DIAPH3: variants seen among roughly 807,000 people sequenced by gnomAD.
The protein encoded by DIAPH3 is protein diaphanous homolog 3.
In DIAPH3, 117 loss-of-function variants were observed where a neutral mutation model predicts 144.3. That is an observed-to-expected ratio of 0.81 (90% CI 0.70 to 0.95). The LOEUF (loss-of-function observed/expected upper bound fraction) is 0.95. Among genes scored for constraint, DIAPH3 ranks in the 40% least tolerant of loss-of-function variants. The pLI is 0.00. For missense variants in DIAPH3, 1,421 were observed against 1,412.7 expected (o/e 1.01, Z -0.09); for synonymous variants, 519 against 488.9 (o/e 1.06, Z -0.81).
chr13:59,687,600 A>C (rs2033282284), intron 27 of DIAPH3, among the ~76,000 whole-genome samples: 1 of 152,080 alleles, frequency 6.6e-6, no homozygotes, highest in African/African-American at 2.4e-5. Context: ...ACAAAATCTG[A>C]CATCTCCTCT....
intron 27 of DIAPH3, among the ~76,000 whole-genome samples, chr13:59,667,213 C>T (rs1168139326): frequency 6.6e-5 from 10 of 152,176 alleles, no homozygotes; most frequent in Non-Finnish European, 1.5e-5. Context: ...AGCATTTGCC[C>T]TTTGCACTGC....
intron 25 of DIAPH3, among the ~76,000 whole-genome samples, chr13:59,784,555 T>G (rs1255075500): frequency 6.6e-6 from 1 of 151,932 alleles, no homozygotes; most frequent in African/African-American, 2.4e-5. Context: ...TTTTGTATTT[T>G]TAGTAGAGAT....
At chr13:59,716,448 T>C (rs1487799542) in intron 27 of DIAPH3, among the ~76,000 whole-genome samples, 1 of 152,176 alleles carries the variant, frequency 6.6e-6, no homozygotes, top group Non-Finnish European at 1.5e-5. Context: ...GTGCTGGGAT[T>C]ACAGGCATGA....
At chr13:59,826,875 C>T (rs905560826) in intron 24 of DIAPH3, among the ~76,000 whole-genome samples, 1 of 151,858 alleles carries the variant, frequency 6.6e-6, no homozygotes, top group African/African-American at 2.4e-5. Context: ...AGAAATAACG[C>T]CGCATATCTA....
Position 60,074,446 on chromosome 13 carries a change from C to A in DIAPH3, c.495+19182G>T, listed in dbSNP as rs1228540745. ...ATTGACGTGATCCGAGGGATGGCTG[C>A]CCTTCCTATTCCTCTAGCTCTTTAT... On this transcript the variant is annotated intron_variant, in intron 4 of 27. Coordinates refer to ENST00000400324, the MANE Select transcript of DIAPH3 (RefSeq NM_001042517.2). 2.6e-5 allele frequency among the ~76,000 whole-genome samples: 4 copies of A among 152,152 alleles called. No homozygotes were observed. In the East Asian group the frequency reaches 7.7e-4, roughly 29 times the overall value.
At chr13:59,776,949 C>CAAAA (rs370913061) in intron 25 of DIAPH3, among the ~76,000 whole-genome samples, 1 of 146,812 alleles carries the variant, frequency 6.8e-6, no homozygotes, top group Non-Finnish European at 1.5e-5. Context: ...AACAAACAAA[C>CAAAA]AAAAAAACCC....
intron 5 of DIAPH3, among the ~76,000 whole-genome samples, chr13:60,041,124 CCTGGACAAATATATTTTTAA>C (rs1291938706): frequency 3.0e-5 from 1 of 33,168 alleles, no homozygotes; most frequent in Admixed American, 3.9e-4. Flanking sequence ...TTTAAATGAA[CCTGGACAAATATATTTTTAA>C]ATGAACATAT....
At chr13:59,959,527 C>A (rs1214358500) in intron 17 of DIAPH3, among the ~76,000 whole-genome samples, 1 of 152,066 alleles carries the variant, frequency 6.6e-6, no homozygotes, top group East Asian at 1.9e-4. Flanking sequence ...TTAAAAGAAC[C>A]TTTTGTAACT....
chr13:60,095,614 GTTTT>G (rs78368630), intron 3 of DIAPH3, among the ~76,000 whole-genome samples: 1 of 143,604 alleles, frequency 7.0e-6, no homozygotes, highest in Non-Finnish European at 1.5e-5. Context: ...TGTTTTTTGT[GTTTT>G]TTTTTTTTAA....
chr13:60,046,662 C>T (rs1439728121), intron 4 of DIAPH3, among the ~76,000 whole-genome samples: 16 of 152,138 alleles, frequency 1.1e-4, no homozygotes, highest in Non-Finnish European at 2.1e-4. Flanking sequence ...GCTATAAAGA[C>T]ACATGCACAC....
chr13:60,157,165 G>A (rs1284412426), intron 1 of DIAPH3, among the ~76,000 whole-genome samples: 1 of 151,620 alleles, frequency 6.6e-6, no homozygotes, highest in Non-Finnish European at 1.5e-5. Flanking sequence ...GGCTGTCATC[G>A]AACTCCTGGC....
At position 59,879,424 on chromosome 13, in the gene DIAPH3, G is replaced by T. The variant is rs1308154521; in HGVS notation, c.2412C>A (p.Leu804=). The T allele has an allele frequency of 6.2e-7, 1 of 1,613,686 alleles. No homozygotes were observed. Among genetic ancestry groups the T allele is most frequent in the Admixed American group, 1.7e-5 (1 of 59,940 alleles). The change falls in exon 21 of 28, where the codon CTC becomes CTA. Residue 804 remains leucine (L), a synonymous_variant. Coordinates refer to ENST00000400324, the MANE Select transcript of DIAPH3 (RefSeq NM_001042517.2). ...CCTGCTCTTCAAACTGAAGCTTAAAGAGAATAGCACTGAGCCGTGGCCGTA... is the reference window on the plus strand; with the variant it reads ...CCTGCTCTTCAAACTGAAGCTTAAATAGAATAGCACTGAGCCGTGGCCGTA... The part of the protein sequence containing the change: ...KRLRPRLSAI[L]FKLQFEEQVN...
chr13:60,106,136 T>G (rs1291159304), intron 3 of DIAPH3, among the ~76,000 whole-genome samples: 3 of 152,170 alleles, frequency 2.0e-5, no homozygotes. Flanking sequence ...TCGGTTCACC[T>G]GAGCCCTTCT....
At chr13:59,784,179 T>C (rs149826572) in intron 25 of DIAPH3, among the ~76,000 whole-genome samples, 1 of 151,872 alleles carries the variant, frequency 6.6e-6, no homozygotes, top group Non-Finnish European at 1.5e-5. Flanking sequence ...GCCTCCCAGG[T>C]TCAAGTGATT....
At chr13:60,031,349 A>AC (rs1185319673) in intron 5 of DIAPH3, among the ~76,000 whole-genome samples, 1 of 152,042 alleles carries the variant, frequency 6.6e-6, no homozygotes, top group African/African-American at 2.4e-5. Context: ...CCCAGGCCCC[A>AC]CCTCCAGCAC....
At chr13:60,055,156 A>G (rs1256427977) in intron 4 of DIAPH3, among the ~76,000 whole-genome samples, 2 of 151,966 alleles carry the variant, frequency 1.3e-5, no homozygotes, top group African/African-American at 4.8e-5. Context: ...AAAAAAAGAT[A>G]AAGTACAGAA....
chr13:59,759,194 A>G (rs1362589597), intron 27 of DIAPH3, among the ~76,000 whole-genome samples: 2 of 152,146 alleles, frequency 1.3e-5, no homozygotes, highest in Non-Finnish European at 2.9e-5. Context: ...GCAAAAATAC[A>G]AAGAGGTTAT....
intron 5 of DIAPH3, among the ~76,000 whole-genome samples, chr13:60,018,629 A>G (rs2053812124): frequency 6.6e-6 from 1 of 152,174 alleles, no homozygotes; most frequent in African/African-American, 2.4e-5. Context: ...AATTCTCTAT[A>G]AAACAAAACT....
At chr13:60,127,468 C>T (rs1372557023) in intron 2 of DIAPH3, among the ~76,000 whole-genome samples, 2 of 151,832 alleles carry the variant, frequency 1.3e-5, no homozygotes, top group South Asian at 2.1e-4. Context: ...GTTAAAGACA[C>T]ACTTACTATA....
Sources: gnomAD v4.1 joint callset for allele counts (sites outside exome capture counted in the v4.1 genomes callset) on GRCh38, gnomAD v4.1.1 for gene constraint, MANE v1.5 for transcripts, NCBI Gene and HGNC (gene_info 2026-07-23, HGNC 2026-07-21) for gene names.